Variants in GPC5 observed in about 807,000 individuals in gnomAD.
GPC5 encodes the protein glypican-5.
GPC5 carries 47 observed loss-of-function variants against 53.9 expected under a neutral mutation model. The ratio of observed to expected loss-of-function variants is 0.87; its 90% confidence interval spans 0.69 to 1.11. GPC5 has a LOEUF of 1.11. Ranked by LOEUF, GPC5 falls within the 50% of genes most tolerant of loss-of-function variation. GPC5 has a pLI of 0.00. For synonymous variants in GPC5, 286 were observed against 263.3 expected (o/e 1.09, Z -0.84); for missense variants, 748 against 713.1 (o/e 1.05, Z -0.56).
At position 92,613,441 on chromosome 13, in the gene GPC5, T is replaced by TATGATATATATTTATATATAAATATG. The variant is rs57915475; in HGVS notation, c.1562-252839_1562-252838insGATATATATTTATATATAAATATGAT. 5.0e-3 allele frequency among the ~76,000 whole-genome samples: 281 copies of TATGATATATATTTATATATAAATATG among 56,496 alleles called. 15 individuals carry two copies. The highest frequency in any genetic ancestry group is 5.8e-3 in the Non-Finnish European group (170 of 29,206). 37.1% of individuals were successfully genotyped at this position (56,496 alleles called of 152,430 possible). On this transcript the variant is annotated intron_variant, in intron 7 of 7. Transcript: ENST00000377067. ...AATATGATATATATTTATATATAAA[T>TATGATATATATTTATATATAAATATG]ATATATATTTATATATAAATATGTA...
At chr13:91,677,855 T>C (rs1190161233) in intron 2 of GPC5, among the ~76,000 whole-genome samples, 1 of 152,202 alleles carries the variant, frequency 6.6e-6, no homozygotes, top group Admixed American at 6.5e-5. Context: ...TAGTATCCCA[T>C]AGCAAAAATC....
intron 2 of GPC5, among the ~76,000 whole-genome samples, chr13:91,593,713 C>T (rs2032889471): frequency 6.6e-6 from 1 of 152,072 alleles, no homozygotes. Flanking sequence ...ATTCCATGAT[C>T]TCAACAAAAT....
intron 7 of GPC5, among the ~76,000 whole-genome samples, chr13:92,368,796 C>A (rs779489940): frequency 6.6e-6 from 1 of 151,906 alleles, no homozygotes; most frequent in Non-Finnish European, 1.5e-5. Context: ...ACTTTATGTT[C>A]CTTTGAAGGC....
In GPC5 at chr13:92,354,063, A is replaced by G. The variant is rs146484984; in HGVS notation, c.1561+209074A>G. ...GCCACTTTTTCCATGCATTCTATTA[A>G]TAAGTCTTGTTACCAACATTTTAAC... On this transcript the variant is annotated intron_variant, in intron 7 of 7. Transcript: ENST00000377067. 3.2e-3 allele frequency among the ~76,000 whole-genome samples: 480 copies of G among 152,310 alleles called. 4 individuals are homozygous for G. Among genetic ancestry groups the G allele is most frequent in the Middle Eastern group, 0.02 (6 of 294 alleles).
intron 6 of GPC5, among the ~76,000 whole-genome samples, chr13:91,911,677 A>G (rs2039611978): frequency 6.6e-6 from 1 of 152,234 alleles, no homozygotes; most frequent in Non-Finnish European, 1.5e-5. Flanking sequence ...GAAAAAAGGA[A>G]GTGGTACAGA....
chr13:92,034,262 G>A (rs1354678942), intron 6 of GPC5, among the ~76,000 whole-genome samples: 1 of 152,176 alleles, frequency 6.6e-6, no homozygotes, highest in Non-Finnish European at 1.5e-5. Context: ...TTGGGAGGCT[G>A]AGGCGGGTGG....
At chr13:91,522,247 C>G (rs956677879) in intron 2 of GPC5, among the ~76,000 whole-genome samples, 2 of 152,302 alleles carry the variant, frequency 1.3e-5, no homozygotes, top group Admixed American at 1.3e-4. Flanking sequence ...GGCTGCAAGT[C>G]TCAACTCTCT....
rs903967146 is a variant in GPC5 at position 92,370,171 on chromosome 13, A to G, written c.1561+225182A>G. 1.1e-4 allele frequency among the ~76,000 whole-genome samples: 17 copies of G among 152,228 alleles called. 1 individual carries two copies. The highest frequency in any genetic ancestry group is 2.1e-4 in the South Asian group (1 of 4,832). ...ATGCACAGGAATATCTGCAAGGTCA[A>G]TGTTTCATGGACATTTATTTAGGAG... On this transcript the variant is annotated intron_variant, in intron 7 of 7. Coordinates refer to ENST00000377067, the MANE Select transcript of GPC5 (RefSeq NM_004466.6).
intron 7 of GPC5, among the ~76,000 whole-genome samples, chr13:92,352,428 G>A (rs752560468): frequency 6.6e-6 from 1 of 152,120 alleles, no homozygotes; most frequent in Non-Finnish European, 1.5e-5. Flanking sequence ...TAAGCAAGAA[G>A]CTAGGTTACA....
Position 92,587,394 on chromosome 13 carries a change from T to C in GPC5, c.1562-278888T>C, listed in dbSNP as rs537389253. Among the ~76,000 whole-genome samples the C allele has an allele frequency of 4.6e-5, 7 of 152,332 alleles. No individual in the cohort carries two copies. In the South Asian group the frequency reaches 8.3e-4, roughly 18 times the overall value. On this transcript the variant is annotated intron_variant, in intron 7 of 7. Transcript: ENST00000377067. ...TATGCAATGAAAATTCATGGAATTA[T>C]GTGACTCTCTCAAGGTTTACAAGTA...
In GPC5 at chr13:92,445,293, G is replaced by GTT. The variant is rs547006896; in HGVS notation, c.1561+300304_1561+300305insTT. ...TTTTTAACAAAGATTCTCTTTTTGT[G>GTT]ATTTTTTTTGTTTTATTTTATTTTA... On this transcript the variant is annotated intron_variant, in intron 7 of 7. Transcript: ENST00000377067. 4.5e-4 allele frequency among the ~76,000 whole-genome samples: 59 copies of GTT among 130,638 alleles called. 1 individual carries two copies. The East Asian group carries it at 6.9e-3, about 15-fold the overall frequency. 85.7% of individuals were successfully genotyped at this position (130,638 alleles called of 152,430 possible).
intron 3 of GPC5, among the ~76,000 whole-genome samples, chr13:91,717,217 CT>C (rs1160726680): frequency 6.6e-6 from 1 of 152,176 alleles, no homozygotes; most frequent in African/African-American, 2.4e-5. Context: ...CACAATTTAG[CT>C]GAAGTGTAGG....
At chr13:91,820,964 A>G (rs1279122485) in intron 5 of GPC5, among the ~76,000 whole-genome samples, 1 of 149,520 alleles carries the variant, frequency 6.7e-6, no homozygotes, top group Non-Finnish European at 1.5e-5. Context: ...CTCCGTCTCA[A>G]AAAAAAAATA....
At chr13:92,804,346 C>T (rs1877016720) in intron 7 of GPC5, among the ~76,000 whole-genome samples, 1 of 151,918 alleles carries the variant, frequency 6.6e-6, no homozygotes, top group Non-Finnish European at 1.5e-5. Context: ...TACAGGCAGA[C>T]CTCAAATATT....
intron 4 of GPC5, among the ~76,000 whole-genome samples, chr13:91,744,696 G>A (rs1183329765): frequency 6.6e-6 from 1 of 152,128 alleles, no homozygotes; most frequent in Non-Finnish European, 1.5e-5. Flanking sequence ...AATGCTGAGA[G>A]AGGTTAATAA....
chr13:91,973,743 G>A (rs1465711693), intron 6 of GPC5, among the ~76,000 whole-genome samples: 2 of 152,204 alleles, frequency 1.3e-5, no homozygotes. Flanking sequence ...TCCTGACCCT[G>A]TTTGCCTGGG....
At chr13:91,709,709 C>A (rs1490500082) in intron 3 of GPC5, among the ~76,000 whole-genome samples, 1 of 152,194 alleles carries the variant, frequency 6.6e-6, no homozygotes, top group Non-Finnish European at 1.5e-5. Flanking sequence ...TATTGATTTG[C>A]AGATGCCCAA....
chr13:92,466,088 T>C (rs1272732371), intron 7 of GPC5, among the ~76,000 whole-genome samples: 1 of 152,002 alleles, frequency 6.6e-6, no homozygotes, highest in Non-Finnish European at 1.5e-5. Flanking sequence ...AAATGTGAGG[T>C]GACAGATATG....
intron 2 of GPC5, among the ~76,000 whole-genome samples, chr13:91,612,649 C>G (rs771520127): frequency 2.6e-5 from 4 of 152,152 alleles, no homozygotes; most frequent in Non-Finnish European, 5.9e-5. Flanking sequence ...GAGTTATGAA[C>G]ACAACCACTC....
Sources: gnomAD v4.1 joint callset for allele counts (sites outside exome capture counted in the v4.1 genomes callset) on GRCh38, gnomAD v4.1.1 for gene constraint, MANE v1.5 for transcripts, NCBI Gene and HGNC (gene_info 2026-07-23, HGNC 2026-07-21) for gene names.